ADAD2: variants seen among roughly 807,000 people sequenced by gnomAD.
ADAD2 encodes adenosine deaminase domain containing 2.
Under a neutral mutation model 54.5 loss-of-function variants are expected in ADAD2, and 60 were observed. The ratio of observed to expected loss-of-function variants is 1.10; its 90% CI spans 0.89 to 1.36. The LOEUF (loss-of-function observed/expected upper bound fraction) is 1.36. Ranked by LOEUF, ADAD2 falls within the 40% of genes most tolerant of loss-of-function variation. ADAD2 has a pLI of 0.00. For missense variants in ADAD2, 1,103 were observed against 801.3 expected (o/e 1.38, Z -4.54); for synonymous variants, 543 against 366.2 (o/e 1.48, Z -5.51).
rs780639899 is a variant in ADAD2, at chr16:84,195,567, G to T, written c.922G>T (p.Gly308Cys). Residue 308 changes from glycine to cysteine, a missense_variant, in exon 6 of 10, where the codon GGC (glycine) becomes TGC (cysteine). Physicochemically the swap from Gly to Cys is radical, Grantham distance 159. Transcript: ENST00000315906. ...FRQLLLATQGGPKGKEQSVLA... is the reference protein window; with the variant it reads ...FRQLLLATQGCPKGKEQSVLA... ...GCAGCTCCTGCTGGCCACACAGGGG[G>T]GCCCCAAGGGCAAGGAGCAGTCCGT... is the stretch of plus-strand genomic sequence containing the variant. 7 of 1,600,100 alleles carry T rather than the reference G, an allele frequency of 4.4e-6. No individual in the cohort carries two copies. The highest frequency in any genetic ancestry group is 6.0e-6 in the Non-Finnish European group (7 of 1,173,584).
Position 84,195,038 on chromosome 16 carries a change from C to G in ADAD2, c.608-31C>G, listed in dbSNP as rs201956276. On this transcript the variant is annotated intron_variant, in intron 3 of 9. Coordinates refer to ENST00000315906, the MANE Select transcript of ADAD2 (RefSeq NM_001145400.2). ...TGTCGAGGGGAGAGGCGTGGGCCCC[C>G]TTCTACCTGCAGTCTCTCGCCCTGG... 1.1e-5 allele frequency: 17 copies of G among 1,612,546 alleles called. No homozygotes were observed. In the Middle Eastern group the frequency reaches 1.5e-3, roughly 141 times the overall value.
chr16:84,195,252 G>A, intron 4 of ADAD2, 44 bp from the exon 5 acceptor site: 5 of 1,611,286 alleles, frequency 3.1e-6, no homozygotes, highest in Non-Finnish European at 4.2e-6. Flanking sequence ...GCCCCCTCAA[G>A]CTCCTTGCCT....
chr16:84,194,791 G>T (rs2089704687), intron 2 of ADAD2, 142 bp from the exon 3 acceptor site: 30 of 1,252,504 alleles, frequency 2.4e-5, no homozygotes, highest in Non-Finnish European at 3.1e-5. Flanking sequence ...GGACACCGGG[G>T]GTAGGGACCG....
rs533615208 is a variant in ADAD2 at position 84,195,375 on chromosome 16, C to G, written c.813C>G (p.Gly271=). 33 of 1,609,274 alleles carry G rather than the reference C, an allele frequency of 2.1e-5. No homozygotes were observed. In the East Asian group the frequency reaches 6.7e-4, roughly 33 times the overall value. ...GCACCGGCAGCAGCTGCTGTGCTGG[C>G]TGGCTGGAGTTCTCGGGCCAGCAGC... ...ALGTGSSCCA[G]WLEFSGQQLH... Residue 271 remains glycine, a synonymous_variant, in exon 5 of 10, where the codon GGC becomes GGG. Transcript: ENST00000315906.
chr16:84,191,624 C>A lies in ADAD2; in HGVS notation c.394C>A (p.Leu132Ile), dbSNP rs200040548. The A allele has an allele frequency of 3.1e-4, 477 of 1,555,626 alleles. 5 individuals are homozygous for A. Among genetic ancestry groups the A allele is most frequent in the Non-Finnish European group, 1.7e-6 (2 of 1,149,972 alleles). The change falls in exon 1 of 10, where the codon CTC (leucine) becomes ATC (isoleucine). Residue 132 changes from leucine to isoleucine, a missense_variant. Leu to Ile is a conservative substitution (Grantham distance 5). Transcript: ENST00000315906. ...EYAASLGIFL[L>I]FREDQPPGPC... The stretch of plus-strand genomic sequence containing the variant: ...CGCGGCCAGCCTGGGCATCTTCCTG[C>A]TCTTCCGGGAGGACCAGCCACCAGG...
chr16:84,191,757 C>T (rs1189066574), intron 1 of ADAD2, 109 bp downstream of exon 1: 2 of 1,472,070 alleles, frequency 1.4e-6, no homozygotes, highest in Non-Finnish European at 1.8e-6. Context: ...GGTCCCTATG[C>T]TCAGAGACAC....
In ADAD2 at chr16:84,194,473, A is replaced by C; in HGVS notation, c.450A>C (p.Glu150Asp). ...GPCFPFSVSA[E>D]LDGVVCPAGT... is the part of the protein sequence containing the mutation. ...GCTTCCCCTTCTCGGTGAGCGCGGA[A>C]CTGGATGGGGTGGTCTGCCCTGCGG... The change falls in exon 2 of 10, where the codon GAA (glutamate) becomes GAC (aspartate). Residue 150 changes from glutamate (E) to aspartate (D), a missense_variant. Transcript: ENST00000315906. The C allele has an allele frequency of 6.2e-7, 1 of 1,609,906 alleles. No homozygotes were observed.
At position 84,195,511 on chromosome 16, in the gene ADAD2, C is replaced by A; in HGVS notation, c.885-19C>A. ...CCAGGACAAGGTCTTCCCAACCACC[C>A]TGTGCCTGTCGCTCCTAGGTTCTTG... is the stretch of plus-strand genomic sequence containing the variant. On this transcript the variant is annotated intron_variant, in intron 5 of 9. Transcript: ENST00000315906. 1.2e-6 allele frequency: 2 copies of A among 1,601,394 alleles called. No homozygotes were observed. Among genetic ancestry groups the A allele is most frequent in the Non-Finnish European group, 1.7e-6 (2 of 1,172,600 alleles).
chr16:84,196,423 C>G, intron 8 of ADAD2, 53 bp downstream of exon 8: 2 of 1,574,392 alleles, frequency 1.3e-6, no homozygotes, highest in Non-Finnish European at 1.7e-6. Flanking sequence ...TGATGGAGGG[C>G]TCATGCATGA....
At chr16:84,192,074 C>T (rs1434865982) in intron 1 of ADAD2, among the ~76,000 whole-genome samples, 6 of 152,346 alleles carry the variant, frequency 3.9e-5, no homozygotes, top group African/African-American at 1.4e-4. Context: ...GTACATGATA[C>T]AGAGGTAAAC....
At position 84,195,687 on chromosome 16, in the gene ADAD2, C is replaced by G. The variant is rs143488002; in HGVS notation, c.1042C>G (p.Arg348Gly). The G allele has an allele frequency of 2.7e-5, 42 of 1,556,426 alleles. No individual in the cohort carries two copies. Among genetic ancestry groups the G allele is most frequent in the Non-Finnish European group, 3.6e-5 (41 of 1,154,742 alleles). Residue 348 changes from arginine (R) to glycine (G), a missense_variant, in exon 6 of 10, where the codon CGT (arginine) becomes GGT (glycine). Transcript: ENST00000315906. The stretch of plus-strand genomic sequence containing the variant: ...CAGCAACACCCCCAAGGGCGCGGCC[C>G]GTGACATCTAGTATGCAGGGCCCCC... ...YISNTPKGAARDIYLPPTSEG... is the reference protein window; with the variant it reads ...YISNTPKGAAGDIYLPPTSEG...
Position 84,195,687 on chromosome 16 carries a change from C to A in ADAD2, c.1042C>A (p.Arg348Ser). ...CAGCAACACCCCCAAGGGCGCGGCC[C>A]GTGACATCTAGTATGCAGGGCCCCC... is the stretch of plus-strand genomic sequence containing the variant. ...YISNTPKGAA[R>S]DIYLPPTSEG... Residue 348 changes from arginine to serine, a missense_variant, in exon 6 of 10, where the codon CGT (arginine) becomes AGT (serine). Coordinates refer to ENST00000315906, the MANE Select transcript of ADAD2 (RefSeq NM_001145400.2). 7 of 1,556,426 alleles carry A rather than the reference C, an allele frequency of 4.5e-6. No homozygotes were observed. Among genetic ancestry groups the A allele is most frequent in the Non-Finnish European group, 6.1e-6 (7 of 1,154,742 alleles).
Position 84,194,011 on chromosome 16 carries a change from G to T in ADAD2, c.419-431G>T, listed in dbSNP as rs745714480. The T allele has an allele frequency of 2.5e-6, 4 of 1,578,592 alleles. No homozygotes were observed. The African/African-American group carries it at 5.4e-5, about 21-fold the overall frequency. On this transcript the variant is annotated intron_variant, in intron 1 of 9. Coordinates refer to ENST00000315906, the MANE Select transcript of ADAD2 (RefSeq NM_001145400.2). ...AAAATGATACTGTTTCATAGGAAAA[G>T]TGTTCAAATATAGAGCCCCTGGAGG...
At chr16:84,193,866 A>AG in intron 1 of ADAD2, 1 of 906,798 alleles carries the variant, frequency 1.1e-6, no homozygotes. Flanking sequence ...AAACCCCCAG[A>AG]GGGGCAGTCC....
At chr16:84,195,483 T>G in intron 5 of ADAD2, 37 bp downstream of exon 5, 2 of 1,605,456 alleles carry the variant, frequency 1.2e-6, no homozygotes, top group Non-Finnish European at 1.7e-6. Context: ...ATAGCAGCCT[T>G]CGCCAGGACA....
intron 1 of ADAD2, chr16:84,192,779 A>G (rs2151326125): frequency 6.7e-6 from 1 of 150,184 alleles, no homozygotes; most frequent in South Asian, 2.1e-4. Context: ...CCTGACCTCT[A>G]GTGATCCGCC....
rs142155324 is a variant in ADAD2 at position 84,191,936 on chromosome 16, T to C, written c.418+288T>C. 197 of 546,516 alleles carry C rather than the reference T, an allele frequency of 3.6e-4. 1 individual carries two copies. The highest frequency in any genetic ancestry group is 3.3e-3 in the African/African-American group (176 of 52,916). 33.9% of individuals were successfully genotyped at this position (546,516 alleles called of 1,614,324 possible). A position where few individuals can be genotyped will look rare whatever the true frequency, so the allele number is the denominator to read the frequency against. Reference sequence around the variant, plus strand: ...GGAGGTTAAGGCCCCCTGGTATTTCTGTATACGTTTTTAGAGCCACTTACA... The same window carrying C: ...GGAGGTTAAGGCCCCCTGGTATTTCCGTATACGTTTTTAGAGCCACTTACA... On this transcript the variant is annotated intron_variant, in intron 1 of 9. Coordinates refer to ENST00000315906, the MANE Select transcript of ADAD2 (RefSeq NM_001145400.2).
chr16:84,191,359 GGGGCCCGCGCCC>G lies in ADAD2; in HGVS notation c.131_142del (p.Gly44_Pro47del). 6.4e-7 allele frequency: 1 copy of G among 1,556,752 alleles called. No homozygotes were observed. Among genetic ancestry groups the G allele is most frequent in the Non-Finnish European group, 8.7e-7 (1 of 1,155,464 alleles). On this transcript the variant is annotated inframe_deletion, in exon 1 of 10. Transcript: ENST00000315906. ...TACCCGCCCAGGCCCAAAGTGCCTG[GGGGCCCGCGCCC>G]GCGCCCGCGACGTATCGCGCGGAGG...
chr16:84,191,201 G>T lies in ADAD2; in HGVS notation c.-30G>T. On this transcript the variant is annotated 5_prime_UTR_variant, in exon 1 of 10. Coordinates refer to ENST00000315906, the MANE Select transcript of ADAD2 (RefSeq NM_001145400.2). Reference sequence around the variant, plus strand: ...AAGGGCGAGAGCAGCGCGAGATAGGGCCTAGCGCCTCAGATCTTCGTTGGC... The same window carrying T: ...AAGGGCGAGAGCAGCGCGAGATAGGTCCTAGCGCCTCAGATCTTCGTTGGC... 6.2e-7 allele frequency: 1 copy of T among 1,600,628 alleles called. No individual in the cohort carries two copies. Among genetic ancestry groups the T allele is most frequent in the Non-Finnish European group, 8.5e-7 (1 of 1,172,396 alleles).
Sources: allele counts gnomAD v4.1 joint callset (sites outside exome capture counted in the v4.1 genomes callset), GRCh38; gene constraint gnomAD v4.1.1; transcripts MANE v1.5; gene names NCBI Gene and HGNC (gene_info 2026-07-23, HGNC 2026-07-21).